The following ADAMTSL1 variants were observed in gnomAD, a reference collection of about 807,000 sequenced individuals.
The protein encoded by ADAMTSL1 is ADAMTS-like protein 1.
A neutral mutation model predicts 201.8 loss-of-function variants in ADAMTSL1; 126 were observed. That is an observed-to-expected ratio of 0.62 (90% CI 0.54 to 0.72). The LOEUF (loss-of-function observed/expected upper bound fraction) is 0.72, where lower values mean the gene tolerates loss of function less well. Ranked by LOEUF, ADAMTSL1 falls within the 30% of genes least tolerant of loss-of-function variation. The pLI is 0.00. For synonymous variants in ADAMTSL1, 1,121 were observed against 903.4 expected (o/e 1.24, Z -4.32); for missense variants, 2,679 against 2,277.8 (o/e 1.18, Z -3.59).
At chr9:18,493,739 T>A (rs771622445) in intron 1 of ADAMTSL1, among the ~76,000 whole-genome samples, 14 of 152,258 alleles carry the variant, frequency 9.2e-5, no homozygotes, top group Non-Finnish European at 1.6e-4. Flanking sequence ...AGCTTCTGCA[T>A]ACATTTTTTC....
rs936102589 is a variant in ADAMTSL1 at position 18,393,244 on chromosome 9, T to A, written c.208-111585T>A. ...ACATACACAGTATGCTGGGGTTTTT[T>A]AAATTAGAATTATAATTTGAGCATT... On this transcript the variant is annotated intron_variant, in intron 2 of 29. Transcript: ENST00000680146. Among the ~76,000 whole-genome samples the A allele has an allele frequency of 4.6e-5, 7 of 152,236 alleles. No homozygotes were observed. The South Asian group carries it at 6.2e-4, about 13-fold the overall frequency.
chr9:18,821,266 A>G (rs548441034), intron 21 of ADAMTSL1, among the ~76,000 whole-genome samples: 1 of 152,280 alleles, frequency 6.6e-6, no homozygotes, highest in South Asian at 2.1e-4. Flanking sequence ...TGCTTATCTA[A>G]GAGCCCAAAG....
At chr9:18,363,887 C>G (rs1287225996) in intron 2 of ADAMTSL1, among the ~76,000 whole-genome samples, 7 of 151,424 alleles carry the variant, frequency 4.6e-5, no homozygotes, top group Non-Finnish European at 7.4e-5. Flanking sequence ...TCCTAGAAAC[C>G]CTTGATAGAG....
chr9:18,058,827 AACAATTCCAGT>A (rs1179898083), intron 1 of ADAMTSL1, among the ~76,000 whole-genome samples: 7 of 152,208 alleles, frequency 4.6e-5, no homozygotes, highest in Admixed American at 2.0e-4. Flanking sequence ...CTTTTACAAG[AACAATTCCAGT>A]AAAAGAAACC....
chr9:18,311,631 G>C (rs1206842379), intron 2 of ADAMTSL1, among the ~76,000 whole-genome samples: 1 of 152,140 alleles, frequency 6.6e-6, no homozygotes, highest in Non-Finnish European at 1.5e-5. Flanking sequence ...ACAGACCATA[G>C]AATCCTAATG....
chr9:18,688,689 A>AAAAAAAAATATATATATAT (rs1554730404), intron 13 of ADAMTSL1, among the ~76,000 whole-genome samples: 1 of 8,650 alleles, frequency 1.2e-4, no homozygotes, highest in African/African-American at 3.7e-4. Context: ...AAAAAAAAAA[A>AAAAAAAAATATATATATAT]ATATATATAT....
At chr9:18,863,152 C>T (rs1000217698) in intron 23 of ADAMTSL1, among the ~76,000 whole-genome samples, 3 of 152,164 alleles carry the variant, frequency 2.0e-5, no homozygotes, top group Non-Finnish European at 4.4e-5. Context: ...TGCAAAGTAT[C>T]AGGAGCAGGC....
At chr9:18,844,668 C>T (rs1293800506) in intron 23 of ADAMTSL1, among the ~76,000 whole-genome samples, 2 of 152,210 alleles carry the variant, frequency 1.3e-5, no homozygotes, top group African/African-American at 4.8e-5. Context: ...AGGCAGGCCT[C>T]CTTGAGCTGT....
At chr9:17,925,682 A>G (rs953680005) in intron 1 of ADAMTSL1, among the ~76,000 whole-genome samples, 1 of 129,212 alleles carries the variant, frequency 7.7e-6, no homozygotes, top group African/African-American at 3.0e-5. Context: ...AGGAAGGGGA[A>G]TATCACACTC....
At chr9:18,720,017 G>A (rs1301386493) in intron 14 of ADAMTSL1, among the ~76,000 whole-genome samples, 2 of 152,176 alleles carry the variant, frequency 1.3e-5, no homozygotes, top group Non-Finnish European at 2.9e-5. Context: ...CTATAGATAG[G>A]TATCTTTAAA....
chr9:18,038,684 G>C (rs1335466474), intron 1 of ADAMTSL1, among the ~76,000 whole-genome samples: 2 of 152,140 alleles, frequency 1.3e-5, no homozygotes, highest in African/African-American at 4.8e-5. Flanking sequence ...GTTTAGATTT[G>C]AATCCCAGCT....
chr9:18,746,050 G>A (rs576516503), intron 15 of ADAMTSL1, among the ~76,000 whole-genome samples: 8 of 152,280 alleles, frequency 5.3e-5, no homozygotes, highest in East Asian at 3.9e-4. Context: ...GCAGTGCCCC[G>A]TTGCCCCCAG....
intron 1 of ADAMTSL1, among the ~76,000 whole-genome samples, chr9:18,078,223 A>C (rs1053115584): frequency 6.6e-6 from 1 of 152,024 alleles, no homozygotes; most frequent in Non-Finnish European, 1.5e-5. Context: ...AAAATAAAAC[A>C]ATTTTTTTCT....
intron 20 of ADAMTSL1, among the ~76,000 whole-genome samples, chr9:18,802,531 C>T (rs12350694): frequency 0.48 from 72,568 of 151,958 alleles, 17,463 homozygotes; most frequent in African/African-American, 0.53. Flanking sequence ...TTATCCATGT[C>T]GTAGCATTAT....
intron 14 of ADAMTSL1, among the ~76,000 whole-genome samples, chr9:18,708,555 C>G (rs1832360655): frequency 6.6e-6 from 1 of 152,202 alleles, no homozygotes; most frequent in Admixed American, 6.5e-5. Context: ...CTTTGGTGAT[C>G]TCTGGAGCCT....
At chr9:18,608,728 C>G (rs1229671235) in intron 4 of ADAMTSL1, among the ~76,000 whole-genome samples, 1 of 152,152 alleles carries the variant, frequency 6.6e-6, no homozygotes, top group Non-Finnish European at 1.5e-5. Flanking sequence ...TCATCTGGCT[C>G]TGGAAATTTG....
At chr9:18,264,524 A>G (rs1832045445) in intron 2 of ADAMTSL1, among the ~76,000 whole-genome samples, 1 of 152,170 alleles carries the variant, frequency 6.6e-6, no homozygotes, top group Non-Finnish European at 1.5e-5. Context: ...GAAGAAGTCA[A>G]AAGCCACAGG....
At chr9:18,818,662 G>A (rs760169751) in intron 21 of ADAMTSL1, among the ~76,000 whole-genome samples, 22 of 152,160 alleles carry the variant, frequency 1.4e-4, no homozygotes, top group South Asian at 1.0e-3. Flanking sequence ...GTGTGGTGAC[G>A]CATGCCTATA....
intron 2 of ADAMTSL1, among the ~76,000 whole-genome samples, chr9:18,387,547 A>G (rs2133207598): frequency 6.6e-6 from 1 of 152,278 alleles, no homozygotes; most frequent in Admixed American, 6.5e-5. Context: ...TTTTAAAATT[A>G]TTTCACTTAG....
Sources: gnomAD v4.1 joint callset for allele counts (sites outside exome capture counted in the v4.1 genomes callset) on GRCh38, gnomAD v4.1.1 for gene constraint, MANE v1.5 for transcripts, NCBI Gene and HGNC (gene_info 2026-07-23, HGNC 2026-07-21) for gene names.